The following SLC4A1 variants were observed in gnomAD, a reference collection of about 807,000 sequenced individuals.
SLC4A1 encodes the protein solute carrier family 4 member 1 (Diego blood group).
A neutral mutation model predicts 93.1 loss-of-function variants in SLC4A1; 29 were observed. The observed-to-expected ratio is 0.31, with a 90% CI of 0.23 to 0.42. The LOEUF is 0.42. SLC4A1 is among the 20% of genes least tolerant of loss of function. The probability of loss-of-function intolerance (pLI) is 1.00; values close to 1 mark genes in which losing one functional copy is unlikely to be tolerated. For missense variants in SLC4A1, 965 were observed against 1,190.1 expected, an observed-to-expected ratio of 0.81 and a Z score of 2.78; for synonymous variants, 469 against 497.2, an observed-to-expected ratio of 0.94 and a Z score of 0.76.
Position 44,249,720 on chromosome 17 carries a change from CCTCT to C in SLC4A1, c.*734_*737del, listed in dbSNP as rs773162738. On this transcript the variant is annotated 3_prime_UTR_variant, in exon 20 of 20. Coordinates refer to ENST00000262418, the MANE Select transcript of SLC4A1 (RefSeq NM_000342.4). ...CCTGTACCTTGTCCTCACCAGGACG[CCTCT>C]CTCTGGGCCCAGAGAAGAGGGTCTC... 2.4e-4 allele frequency: 37 copies of C among 154,540 alleles called. No homozygotes were observed. Among genetic ancestry groups the C allele is most frequent in the Non-Finnish European group, 4.2e-4 (29 of 69,728 alleles). 9.6% of individuals were successfully genotyped at this position (154,540 alleles called of 1,614,324 possible).
chr17:44,255,351 C>A, intron 14 of SLC4A1, 55 bp from the exon 15 acceptor site: 1 of 1,365,558 alleles, frequency 7.3e-7, no homozygotes, highest in Non-Finnish European at 1.0e-6. Context: ...CCACCTCCTG[C>A]CTTCCTCCTG....
Position 44,257,959 on chromosome 17 carries a change from G to C in SLC4A1, c.1282+27C>G, listed in dbSNP as rs747030973. The C allele has an allele frequency of 5.6e-6, 9 of 1,613,426 alleles. No individual in the cohort carries two copies. In the South Asian group the frequency reaches 9.9e-5, roughly 18 times the overall value. On this transcript the variant is annotated intron_variant, in intron 11 of 19. Coordinates refer to ENST00000262418, the MANE Select transcript of SLC4A1 (RefSeq NM_000342.4). ...AGAGGCCAGAGGGTCAGAGGCAAGAGTTAGGGAGACAGGTATTGGCACTGA... is the reference window on the plus strand; with the variant it reads ...AGAGGCCAGAGGGTCAGAGGCAAGACTTAGGGAGACAGGTATTGGCACTGA...
In SLC4A1 at chr17:44,259,330, G is replaced by A; in HGVS notation, c.709C>T (p.Leu237=). ...TLVLVGRADF[L]EQPVLGFVRL... Reference sequence around the variant, plus strand: ...ACGAAGCCCAGCACCGGCTGCTCCAGGAAGTCGGCGCGGCCTGTTAGGGGA... The same window carrying A: ...ACGAAGCCCAGCACCGGCTGCTCCAAGAAGTCGGCGCGGCCTGTTAGGGGA... The change falls in exon 9 of 20, where the codon CTG becomes TTG. Residue 237 remains leucine (L), a synonymous_variant. Coordinates refer to ENST00000262418, the MANE Select transcript of SLC4A1 (RefSeq NM_000342.4). 6.2e-7 allele frequency: 1 copy of A among 1,613,738 alleles called. No individual in the cohort carries two copies. The highest frequency in any genetic ancestry group is 1.1e-5 in the South Asian group (1 of 91,034).
Position 44,251,596 on chromosome 17 carries a change from G to T in SLC4A1, c.2312-8C>A. The T allele has an allele frequency of 6.2e-7, 1 of 1,613,748 alleles. No individual in the cohort carries two copies. Among genetic ancestry groups the T allele is most frequent in the South Asian group, 1.1e-5 (1 of 91,068 alleles). On this transcript the variant is annotated splice_polypyrimidine_tract_variant and splice_region_variant and intron_variant, in intron 17 of 19. Transcript: ENST00000262418. ...CCATGAGGATGGACAGGCCTGTGGGGGAGCCGCACACTCTCAGCCCAGGTT... is the reference window on the plus strand; with the variant it reads ...CCATGAGGATGGACAGGCCTGTGGGTGAGCCGCACACTCTCAGCCCAGGTT...
In SLC4A1 at chr17:44,259,191, C is replaced by T. The variant is rs1207355825; in HGVS notation, c.848G>A (p.Arg283Gln). The T allele has an allele frequency of 7.4e-6, 12 of 1,613,884 alleles. No individual in the cohort carries two copies. Among genetic ancestry groups the T allele is most frequent in the East Asian group, 2.2e-5 (1 of 44,890 alleles). Reference protein sequence around the residue: ...APHIDYTQLGRAAATLMSERV... With the variant: ...APHIDYTQLGQAAATLMSERV... ...CTCTGACATGAGGGTGGCAGCAGCC[C>T]GGCCAAGCTGGGTGTAATCGATGTG... Residue 283 changes from arginine (R) to glutamine (Q), a missense_variant, in exon 9 of 20, where the codon CGG becomes CAG. This residue lies in a region of SLC4A1 where 770 missense variants were observed against 1,006.6 expected (regional missense o/e 0.76). Transcript: ENST00000262418.
chr17:44,263,548 A>AC (rs1341050348), intron 1 of SLC4A1, among the ~76,000 whole-genome samples: 2 of 151,850 alleles, frequency 1.3e-5, no homozygotes, highest in Admixed American at 1.3e-4. Context: ...GGGCCTTTGC[A>AC]CATCCAGCTG....
rs1320485974 is a variant in SLC4A1 at position 44,254,520 on chromosome 17, A to G, written c.2033T>C (p.Ile678Thr). The change falls in exon 16 of 20, where the codon ATA becomes ACA. Residue 678 changes from isoleucine (I) to threonine (T), a missense_variant. Ile to Thr is a moderately conservative substitution (Grantham distance 89). Transcript: ENST00000262418. ...CGTGGTGATCTGAGACTCCAGGAAT[A>G]TGAGGATGAAGACCAGCAGAGCAGG... ...ALPALLVFILIFLESQITTLI... is the reference protein window; with the variant it reads ...ALPALLVFILTFLESQITTLI... The G allele has an allele frequency of 6.2e-7, 1 of 1,613,840 alleles. No individual in the cohort carries two copies. The highest frequency in any genetic ancestry group is 8.5e-7 in the Non-Finnish European group (1 of 1,179,890).
intron 17 of SLC4A1, among the ~76,000 whole-genome samples, chr17:44,252,045 G>GTT (rs1261874766): frequency 1.5e-5 from 2 of 129,716 alleles, no homozygotes; most frequent in African/African-American, 6.5e-5. Context: ...ATTCCTATGG[G>GTT]TCTTTTTTTT....
rs772316375 is a variant in SLC4A1 at position 44,260,489 on chromosome 17, G to C, written c.400C>G (p.Gln134Glu). 6.2e-7 allele frequency: 1 copy of C among 1,614,226 alleles called. No homozygotes were observed. Among genetic ancestry groups the C allele is most frequent in the Non-Finnish European group, 8.5e-7 (1 of 1,180,020 alleles). ...TCAAAGATAAACCTGTCTAGCAGTT[G>C]GTTGGCCACTCCAGCCAGGGAGGTC... ...QETSLAGVAN[Q>E]LLDRFIFEDQ... The change falls in exon 6 of 20, where the codon CAA becomes GAA. Residue 134 changes from glutamine (Q) to glutamate (E), a missense_variant. Coordinates refer to ENST00000262418, the MANE Select transcript of SLC4A1 (RefSeq NM_000342.4).
At chr17:44,254,719 G>A in intron 15 of SLC4A1, 57 bp from the exon 16 acceptor site, 1 of 1,554,110 alleles carries the variant, frequency 6.4e-7, no homozygotes, top group Non-Finnish European at 8.8e-7. Context: ...GGAAGGGTGG[G>A]AGCAGGAGGA....
At chr17:44,254,718 G>A (rs1007653354) in intron 15 of SLC4A1, 56 bp from the exon 16 acceptor site, 1 of 1,553,800 alleles carries the variant, frequency 6.4e-7, no homozygotes. Flanking sequence ...GGGAAGGGTG[G>A]GAGCAGGAGG....
In SLC4A1 at chr17:44,254,805, C is replaced by T. The variant is rs1391869402; in HGVS notation, c.1891-143G>A. 4.0e-5 allele frequency: 27 copies of T among 670,096 alleles called. No individual in the cohort carries two copies. The East Asian group carries it at 5.7e-4, about 14-fold the overall frequency. 41.5% of individuals were successfully genotyped at this position (670,096 alleles called of 1,614,324 possible). On this transcript the variant is annotated intron_variant, in intron 15 of 19. Coordinates refer to ENST00000262418, the MANE Select transcript of SLC4A1 (RefSeq NM_000342.4). ...CTTATATTGAGCACTTGCTCTGTAC[C>T]TAATCATTACACTAATCCCTTTACA...
intron 1 of SLC4A1, among the ~76,000 whole-genome samples, chr17:44,266,863 C>T (rs1054062588): frequency 2.0e-5 from 3 of 152,054 alleles, no homozygotes; most frequent in East Asian, 1.9e-4. Flanking sequence ...TGGGAAGACA[C>T]GGCGGGAGAG....
chr17:44,262,097 T>TGCCCCCC, intron 3 of SLC4A1: 1 of 1,042,628 alleles, frequency 9.6e-7, no homozygotes, highest in Non-Finnish European at 1.2e-6. Flanking sequence ...CCCCTTATAT[T>TGCCCCCC]CCCACCCCTC....
chr17:44,256,543 G>T (rs561923154), intron 13 of SLC4A1, among the ~76,000 whole-genome samples: 1 of 152,222 alleles, frequency 6.6e-6, no homozygotes, highest in South Asian at 2.1e-4. Flanking sequence ...GATGATGGGA[G>T]CCAAGCCAAG....
chr17:44,259,932 G>A lies in SLC4A1; in HGVS notation c.486C>T (p.Ser162=). ...ELLRALLLKH[S]HAGELEALGG... is the part of the protein sequence containing the mutation. ...CCAGGGCCTCCAGCTCTCCAGCGTG[G>A]CTGCAGGACGTACAGGGGACATGGG... The change falls in exon 7 of 20, where the codon AGC becomes AGT. Residue 162 remains serine (S), a splice_region_variant and synonymous_variant. Transcript: ENST00000262418. 1 of 1,613,808 alleles carries A rather than the reference G, an allele frequency of 6.2e-7. No homozygotes were observed. Among genetic ancestry groups the A allele is most frequent in the Non-Finnish European group, 8.5e-7 (1 of 1,180,038 alleles).
intron 8 of SLC4A1, 69 bp downstream of exon 8, chr17:44,259,428 G>T: frequency 6.2e-7 from 1 of 1,603,030 alleles, no homozygotes; most frequent in Middle Eastern, 1.7e-4. Context: ...GGTCCAGGCT[G>T]AGGGAAAGAC....
chr17:44,263,712 T>TCCCTCCTTCCCTCCCTTCCCTC (rs772514268), intron 1 of SLC4A1, among the ~76,000 whole-genome samples: 1 of 5,358 alleles, frequency 1.9e-4, no homozygotes, highest in African/African-American at 3.0e-4. Context: ...CTTCCCTCCT[T>TCCCTCCTTCCCTCCCTTCCCTC]CCTTCCTTCC....
At chr17:44,260,237 A>G (rs1043004305) in intron 6 of SLC4A1, among the ~76,000 whole-genome samples, 167 bp downstream of exon 6, 1 of 152,190 alleles carries the variant, frequency 6.6e-6, no homozygotes, top group Admixed American at 6.5e-5. Context: ...AGCATAGGAC[A>G]TGGCCACCCC....
Sources: gnomAD v4.1 joint callset for allele counts (sites outside exome capture counted in the v4.1 genomes callset) on GRCh38, gnomAD v4.1.1 for gene constraint, gnomAD v4.1.1 regional missense constraint, MANE v1.5 for transcripts, NCBI Gene and HGNC (gene_info 2026-07-23, HGNC 2026-07-21) for gene names.